GRID2: variants seen among roughly 807,000 people sequenced by gnomAD.
GRID2 encodes the protein glutamate ionotropic receptor delta type subunit 2, also known as glutamate receptor ionotropic, delta-2.
GRID2 carries 33 observed loss-of-function variants against 114.8 expected under a neutral mutation model. The observed-to-expected ratio is 0.29, with a 90% CI of 0.22 to 0.38. GRID2 has a LOEUF of 0.38. Among genes scored for constraint, GRID2 ranks in the 10% least tolerant of loss-of-function variants. The pLI is 1.00. For missense variants in GRID2, 1,184 were observed against 1,257.7 expected (o/e 0.94, Z 0.89); for synonymous variants, 505 against 449.9 (o/e 1.12, Z -1.55).
chr4:93,312,493 C>T (rs572787820), intron 8 of GRID2, among the ~76,000 whole-genome samples: 212 of 152,084 alleles, frequency 1.4e-3, no homozygotes, highest in South Asian at 5.4e-3. Flanking sequence ...AAGCCTGAAA[C>T]AAACAAACAA....
At chr4:93,058,211 T>C (rs986340148) in intron 2 of GRID2, among the ~76,000 whole-genome samples, 12 of 151,114 alleles carry the variant, frequency 7.9e-5, no homozygotes, top group African/African-American at 2.2e-4. Context: ...AACTTCATCT[T>C]TTCTCAAGCA....
chr4:93,729,054 G>A (rs1040244812), intron 14 of GRID2, among the ~76,000 whole-genome samples: 2 of 152,100 alleles, frequency 1.3e-5, no homozygotes, highest in Non-Finnish European at 2.9e-5. Flanking sequence ...TATTTTGCTC[G>A]TTAGTTGATG....
chr4:92,606,881 A>G (rs1729476347), intron 2 of GRID2, among the ~76,000 whole-genome samples: 1 of 152,024 alleles, frequency 6.6e-6, no homozygotes, highest in Non-Finnish European at 1.5e-5. Context: ...ATTACAAAAC[A>G]CAGTAAGGGT....
intron 4 of GRID2, among the ~76,000 whole-genome samples, chr4:93,179,533 A>G (rs1739683129): frequency 6.6e-6 from 1 of 152,164 alleles, no homozygotes; most frequent in South Asian, 2.1e-4. Context: ...TATCCCGAAG[A>G]AAATCATATA....
At chr4:93,647,699 C>T (rs555220598) in intron 14 of GRID2, among the ~76,000 whole-genome samples, 2 of 152,254 alleles carry the variant, frequency 1.3e-5, no homozygotes, top group Non-Finnish European at 2.9e-5. Context: ...ATACTGATGG[C>T]TTAGACTGTG....
At chr4:92,658,938 A>G (rs537473733) in intron 2 of GRID2, among the ~76,000 whole-genome samples, 2 of 147,960 alleles carry the variant, frequency 1.4e-5, no homozygotes, top group Non-Finnish European at 3.0e-5. Flanking sequence ...GTGTATGTGC[A>G]TTTCCTTTCC....
chr4:92,430,108 A>G (rs1732367549), intron 1 of GRID2, among the ~76,000 whole-genome samples: 1 of 151,852 alleles, frequency 6.6e-6, no homozygotes, highest in Non-Finnish European at 1.5e-5. Context: ...TTTTAACTTG[A>G]TGTGATCAAA....
At chr4:92,595,405 G>A (rs1053187115) in intron 2 of GRID2, among the ~76,000 whole-genome samples, 1 of 151,834 alleles carries the variant, frequency 6.6e-6, no homozygotes, top group African/African-American at 2.4e-5. Flanking sequence ...CTGTTGTGAT[G>A]CTGGAAATAT....
intron 2 of GRID2, among the ~76,000 whole-genome samples, chr4:93,084,720 G>A (rs563153523): frequency 1.3e-4 from 20 of 152,198 alleles, no homozygotes; most frequent in African/African-American, 4.3e-4. Flanking sequence ...ATAATCCTGC[G>A]AGATTCATGC....
At position 92,590,399 on chromosome 4, in the gene GRID2, G is replaced by C. The variant is rs4142874; in HGVS notation, c.244+113G>C. On this transcript the variant is annotated intron_variant, in intron 2 of 15. Coordinates refer to ENST00000282020, the MANE Select transcript of GRID2 (RefSeq NM_001510.4). Reference sequence around the variant, plus strand: ...TCATTTTTGTATCTTGTTGATAATAGGGCATTATTTTCCTTGGAGATCACT... The same window carrying C: ...TCATTTTTGTATCTTGTTGATAATACGGCATTATTTTCCTTGGAGATCACT... 59,728 of 717,180 alleles carry C rather than the reference G, an allele frequency of 0.083. 3,442 individuals are homozygous for C. Among genetic ancestry groups the C allele is most frequent in the African/African-American group, 0.21 (11,651 of 56,400 alleles). 44.4% of individuals were successfully genotyped at this position (717,180 alleles called of 1,614,324 possible).
At chr4:93,395,562 C>G (rs369644562) in intron 8 of GRID2, 45 bp from the exon 9 acceptor site, 3 of 835,240 alleles carry the variant, frequency 3.6e-6, no homozygotes, top group Non-Finnish European at 6.4e-6. Flanking sequence ...GGTGATGGGA[C>G]TGTTCTTCAG....
At chr4:93,336,741 T>A (rs1204215930) in intron 8 of GRID2, among the ~76,000 whole-genome samples, 1 of 152,188 alleles carries the variant, frequency 6.6e-6, no homozygotes, top group Non-Finnish European at 1.5e-5. Context: ...GTAAATGACA[T>A]CATATTTGTT....
chr4:92,690,214 A>G (rs528738410), intron 2 of GRID2, among the ~76,000 whole-genome samples: 629 of 151,556 alleles, frequency 4.2e-3, no homozygotes, highest in African/African-American at 0.015. Context: ...AAAAAAAAAG[A>G]AAAAAAGTAT....
chr4:92,583,716 C>A (rs78945563), intron 1 of GRID2, among the ~76,000 whole-genome samples: 5 of 140,554 alleles, frequency 3.6e-5, no homozygotes, highest in African/African-American at 1.1e-4. Context: ...TATATATAAA[C>A]ACACGCACAA....
At chr4:93,039,535 G>C (rs1174745428) in intron 2 of GRID2, among the ~76,000 whole-genome samples, 3 of 151,910 alleles carry the variant, frequency 2.0e-5, no homozygotes, top group South Asian at 4.2e-4. Flanking sequence ...GTCCTCATTA[G>C]TTGGAATACA....
chr4:93,021,918 T>TC (rs1232684289), intron 2 of GRID2, among the ~76,000 whole-genome samples: 2 of 150,380 alleles, frequency 1.3e-5, no homozygotes, highest in African/African-American at 4.9e-5. Flanking sequence ...TAGCTTCAAC[T>TC]CTGGAGAGAG....
intron 2 of GRID2, among the ~76,000 whole-genome samples, chr4:92,634,532 AAC>A (rs1244033640): frequency 6.6e-6 from 1 of 152,128 alleles, no homozygotes; most frequent in Admixed American, 6.6e-5. Context: ...AAGGTGTAGA[AAC>A]ACACACTTCC....
chr4:92,888,877 A>T (rs1001405289), intron 2 of GRID2, among the ~76,000 whole-genome samples: 1 of 152,008 alleles, frequency 6.6e-6, no homozygotes, highest in Non-Finnish European at 1.5e-5. Context: ...GAAAGAAAAA[A>T]AAACTAAAAT....
chr4:93,142,089 C>T (rs1384937799), intron 4 of GRID2, among the ~76,000 whole-genome samples: 1 of 152,086 alleles, frequency 6.6e-6, no homozygotes, highest in African/African-American at 2.4e-5. Context: ...TGGTGTGTGC[C>T]TGTGGTCTCA....
Sources: allele counts gnomAD v4.1 joint callset (sites outside exome capture counted in the v4.1 genomes callset), GRCh38; gene constraint gnomAD v4.1.1; transcripts MANE v1.5; gene names NCBI Gene and HGNC (gene_info 2026-07-23, HGNC 2026-07-21).